Variants in RBFOX2 observed in about 807,000 individuals in gnomAD.
The protein encoded by RBFOX2 is RNA binding fox-1 homolog 2, also known as RNA binding protein fox-1 homolog 2.
A neutral mutation model predicts 49.1 loss-of-function variants in RBFOX2; 10 were observed. That is an observed-to-expected ratio of 0.20 (90% CI 0.13 to 0.35). RBFOX2 has a LOEUF of 0.35. RBFOX2 is among the 10% of genes least tolerant of loss of function. The probability of loss-of-function intolerance (pLI) is 1.00; values close to 1 mark genes in which losing one functional copy is unlikely to be tolerated. For synonymous variants in RBFOX2, 183 were observed against 187.4 expected (o/e 0.98, Z 0.19); for missense variants, 323 against 486.9 (o/e 0.66, Z 3.17).
intron 1 of RBFOX2, among the ~76,000 whole-genome samples, chr22:35,977,188 A>T (rs2057214515): frequency 6.6e-6 from 1 of 152,160 alleles, no homozygotes; most frequent in South Asian, 2.1e-4. Context: ...ACAACGGACA[A>T]TACCAAATAG....
At chr22:35,962,548 TA>T (rs1313115033), upstream of RBFOX2, among the ~76,000 whole-genome samples, 2 of 152,170 alleles carry the variant, frequency 1.3e-5, no homozygotes, top group Non-Finnish European at 2.9e-5. Context: ...AGGAAGAACA[TA>T]AACTTTTAGA....
At chr22:35,844,411 G>A (rs1053830437), upstream of RBFOX2, among the ~76,000 whole-genome samples, 3 of 152,168 alleles carry the variant, frequency 2.0e-5, no homozygotes, top group African/African-American at 7.2e-5. Context: ...TCAGAATGAA[G>A]AGCACCTATG....
chr22:35,832,892 A>G (rs1281063879), intron 1 of RBFOX2, among the ~76,000 whole-genome samples: 17 of 152,208 alleles, frequency 1.1e-4, no homozygotes, highest in Admixed American at 1.1e-3. Flanking sequence ...CACAGTGACT[A>G]TAGTTAACAA....
chr22:35,951,702 C>T (rs572619670), intron 1 of RBFOX2, among the ~76,000 whole-genome samples: 1 of 152,252 alleles, frequency 6.6e-6, no homozygotes, highest in Non-Finnish European at 1.5e-5. Context: ...TAAACATTAT[C>T]ACTTTTAATT....
Position 35,749,048 on chromosome 22 carries a change from G to A in RBFOX2, c.888-2487C>T, listed in dbSNP as rs573334306. On this transcript the variant is annotated intron_variant, in intron 9 of 11. Transcript: ENST00000405409. This position sits in a 1 kb window ranked among gnomAD's most constrained non-coding sequence, Gnocchi z 4.1. ...AAGCCATAGGAACCTTGGTGGTTTA[G>A]GAGTAATGTTACTGCTAATCAAAAC... Among the ~76,000 whole-genome samples the A allele has an allele frequency of 1.2e-3, 188 of 152,338 alleles. No individual in the cohort carries two copies. Among genetic ancestry groups the A allele is most frequent in the African/African-American group, 4.3e-3 (180 of 41,580 alleles).
upstream of RBFOX2, chr22:35,961,840 G>A: frequency 4.9e-6 from 3 of 608,854 alleles, no homozygotes; most frequent in Non-Finnish European, 6.2e-6. Context: ...AGAAAACACA[G>A]AGAAATGTCC....
chr22:35,869,321 C>T (rs1054930611), intron 1 of RBFOX2, among the ~76,000 whole-genome samples: 2 of 151,866 alleles, frequency 1.3e-5, no homozygotes, highest in Admixed American at 6.6e-5. Context: ...CCACGCCTGG[C>T]TAATTTTTGT....
In RBFOX2 at chr22:35,746,083, G is replaced by A. The variant is rs116029214; in HGVS notation, c.977-88C>T. ...GATTACTGTGCTTTAAGACTTGTGA[G>A]TCACTTGGTCTTGGATTATCATAAG... On this transcript the variant is annotated intron_variant, in intron 10 of 11. Coordinates refer to ENST00000405409, the Ensembl canonical transcript of RBFOX2. The A allele has an allele frequency of 5.4e-4, 629 of 1,159,952 alleles. 5 individuals carry two copies. The African/African-American group carries it at 9.2e-3, about 17-fold the overall frequency. 71.9% of individuals were successfully genotyped at this position (1,159,952 alleles called of 1,614,324 possible). A position where few individuals can be genotyped will look rare whatever the true frequency, so the allele number is the denominator to read the frequency against.
chr22:35,915,092 C>T (rs1438682859), intron 1 of RBFOX2, among the ~76,000 whole-genome samples: 3 of 152,202 alleles, frequency 2.0e-5, no homozygotes, highest in Non-Finnish European at 2.9e-5. Flanking sequence ...TACCATTTTA[C>T]TCGAACTCTG....
intron 1 of RBFOX2, among the ~76,000 whole-genome samples, 178 bp from the exon 3 acceptor site, chr22:35,810,182 T>C (rs1036587721): frequency 4.1e-5 from 5 of 120,656 alleles, no homozygotes; most frequent in Non-Finnish European, 1.7e-5. Flanking sequence ...TATATGTATG[T>C]GGACAGACAC....
At chr22:35,876,435 G>C (rs2045097216) in intron 1 of RBFOX2, among the ~76,000 whole-genome samples, 1 of 151,322 alleles carries the variant, frequency 6.6e-6, no homozygotes, top group South Asian at 2.1e-4. Context: ...CCGAGAAAAG[G>C]GAGCAAAAAG....
chr22:35,834,497 A>C (rs531560808), intron 1 of RBFOX2, among the ~76,000 whole-genome samples: 2 of 152,312 alleles, frequency 1.3e-5, no homozygotes, highest in South Asian at 2.1e-4. Context: ...AACATATAAC[A>C]ATCAACGGTA....
chr22:35,739,949 T>C (rs1317904508), exon 12 of RBFOX2: 1 of 152,596 alleles, frequency 6.6e-6, no homozygotes, highest in African/African-American at 2.4e-5. Flanking sequence ...TGATCTACCG[T>C]TTTCCTGAGT....
chr22:35,837,440 CTTATGTGACAGGTCA>C (rs1420524697), intron 1 of RBFOX2, among the ~76,000 whole-genome samples: 1 of 152,002 alleles, frequency 6.6e-6, no homozygotes, highest in African/African-American at 2.4e-5. Flanking sequence ...ATTGAGAAAG[CTTATGTGACAGGTCA>C]TTATCAAATG....
chr22:35,979,432 G>A (rs1309524929), intron 1 of RBFOX2, among the ~76,000 whole-genome samples: 3 of 152,184 alleles, frequency 2.0e-5, no homozygotes, highest in African/African-American at 7.2e-5. Flanking sequence ...AGTTATATAG[G>A]AAAGTCCTAT....
chr22:35,966,859 C>A (rs1256018599), intron 1 of RBFOX2, among the ~76,000 whole-genome samples: 1 of 152,104 alleles, frequency 6.6e-6, no homozygotes, highest in Non-Finnish European at 1.5e-5. Context: ...GTTGCCCAGG[C>A]TGGAGTGTAG....
intron 1 of RBFOX2, among the ~76,000 whole-genome samples, chr22:35,904,363 C>T (rs1403404292): frequency 6.6e-6 from 1 of 152,110 alleles, no homozygotes; most frequent in Non-Finnish European, 1.5e-5. Context: ...TTGTGTATGT[C>T]AGATACAACT....
chr22:35,938,186 GTTC>G (rs745472937), intron 1 of RBFOX2, among the ~76,000 whole-genome samples: 27 of 152,152 alleles, frequency 1.8e-4, no homozygotes, highest in Non-Finnish European at 3.4e-4. Context: ...AGCCTTACCT[GTTC>G]TTCTATCCTA....
intron 4 of RBFOX2, among the ~76,000 whole-genome samples, chr22:35,771,705 A>G (rs1942726300): frequency 6.6e-6 from 1 of 152,182 alleles, no homozygotes; most frequent in Non-Finnish European, 1.5e-5. Context: ...CAACCCAAAC[A>G]TGCTTCCTTA....
Sources: gnomAD v4.1 joint callset for allele counts (sites outside exome capture counted in the v4.1 genomes callset) on GRCh38, gnomAD v4.1.1 for gene constraint, Gnocchi (gnomAD v3.1) non-coding constraint, MANE v1.5 for transcripts, NCBI Gene and HGNC (gene_info 2026-07-23, HGNC 2026-07-21) for gene names.